Variants in FSTL4 observed in about 807,000 individuals in gnomAD.
The protein encoded by FSTL4 is follistatin like 4, also known as follistatin-related protein 4.
In FSTL4, 28 loss-of-function variants were observed where a neutral mutation model predicts 78.2. The ratio of observed to expected loss-of-function variants is 0.36; its 90% CI spans 0.27 to 0.49. The LOEUF is 0.49. Among genes scored for constraint, FSTL4 ranks in the 20% least tolerant of loss-of-function variants. The pLI, the probability that FSTL4 is intolerant of heterozygous loss-of-function variation, is 0.98. For synonymous variants in FSTL4, 422 were observed against 440.5 expected, an observed-to-expected ratio of 0.96 and a Z score of 0.53; for missense variants, 922 against 1,084.9, an observed-to-expected ratio of 0.85 and a Z score of 2.11.
At chr5:133,420,369 T>C (rs1391770071) in intron 3 of FSTL4, among the ~76,000 whole-genome samples, 1 of 152,260 alleles carries the variant, frequency 6.6e-6, no homozygotes, top group African/African-American at 2.4e-5. Context: ...TTTAATTGTA[T>C]GTAAATTATA....
At chr5:133,809,462 C>T in the FSTL4 span, among the ~76,000 whole-genome samples, 2 of 151,158 alleles carry the variant, frequency 1.3e-5, no homozygotes, top group African/African-American at 4.9e-5. Flanking sequence ...TTGCTACCCC[C>T]AAAGCTCTCA....
chr5:133,283,923 G>A (rs1753068243), intron 6 of FSTL4, among the ~76,000 whole-genome samples: 1 of 152,162 alleles, frequency 6.6e-6, no homozygotes, highest in Non-Finnish European at 1.5e-5. Context: ...ATATGGCAGA[G>A]CAGGAGAGAA....
chr5:133,336,324 C>T (rs1044570652), intron 4 of FSTL4, among the ~76,000 whole-genome samples: 5 of 152,242 alleles, frequency 3.3e-5, no homozygotes, highest in Non-Finnish European at 7.4e-5. Flanking sequence ...CCTTCCACTA[C>T]GCTGAGGTGT....
the FSTL4 span, among the ~76,000 whole-genome samples, chr5:133,699,830 G>A: frequency 1.5e-5 from 2 of 134,830 alleles, no homozygotes; most frequent in East Asian, 4.6e-4. Flanking sequence ...CCAGTGAGCC[G>A]AGATAGCGCC....
the FSTL4 span, among the ~76,000 whole-genome samples, chr5:133,813,092 A>G: frequency 2.0e-5 from 3 of 152,214 alleles, no homozygotes; most frequent in Non-Finnish European, 4.4e-5. Flanking sequence ...TCTCAACCAC[A>G]TGCCCACACT....
chr5:133,654,034 C>G, the FSTL4 span, among the ~76,000 whole-genome samples: 1 of 152,216 alleles, frequency 6.6e-6, no homozygotes, highest in Non-Finnish European at 1.5e-5. Context: ...AGGAAGAAAA[C>G]TCTAGGGGCC....
chr5:133,466,246 A>G (rs532336728), intron 3 of FSTL4, among the ~76,000 whole-genome samples: 4 of 152,198 alleles, frequency 2.6e-5, no homozygotes. Flanking sequence ...ATTCCTTGGG[A>G]CAAGAACACT....
chr5:133,608,575 T>C (rs1218445900), intron 1 of FSTL4, among the ~76,000 whole-genome samples: 1 of 152,078 alleles, frequency 6.6e-6, no homozygotes, highest in African/African-American at 2.4e-5. Context: ...ACATCTAGAG[T>C]GGGAGTTTGG....
intron 3 of FSTL4, among the ~76,000 whole-genome samples, chr5:133,529,123 T>C (rs1346966034): frequency 6.6e-6 from 1 of 152,200 alleles, no homozygotes; most frequent in Non-Finnish European, 1.5e-5. Context: ...CTTGACAATC[T>C]GAACACCTGC....
At chr5:133,424,264 AC>A (rs1756759692) in intron 3 of FSTL4, among the ~76,000 whole-genome samples, 1 of 152,164 alleles carries the variant, frequency 6.6e-6, no homozygotes, top group Admixed American at 6.5e-5. Flanking sequence ...AACCACCCAG[AC>A]CCGTGAACAG....
At chr5:133,560,525 G>C (rs918865112) in intron 3 of FSTL4, among the ~76,000 whole-genome samples, 12 of 152,088 alleles carry the variant, frequency 7.9e-5, no homozygotes, top group African/African-American at 2.9e-4. Context: ...CAACATGCTT[G>C]GCTAATTTTT....
intron 4 of FSTL4, among the ~76,000 whole-genome samples, chr5:133,327,009 G>A (rs1182365216): frequency 6.6e-6 from 1 of 152,186 alleles, no homozygotes; most frequent in African/African-American, 2.4e-5. Context: ...TGAGCCAAAT[G>A]CAGTCATTAG....
At chr5:133,735,548 C>T in the FSTL4 span, among the ~76,000 whole-genome samples, 3 of 152,204 alleles carry the variant, frequency 2.0e-5, no homozygotes, top group East Asian at 1.9e-4. Context: ...AAAACACTTG[C>T]CTGTCCCCAA....
intron 3 of FSTL4, among the ~76,000 whole-genome samples, chr5:133,448,103 A>G (rs1327524188): frequency 6.6e-6 from 1 of 152,250 alleles, no homozygotes; most frequent in Non-Finnish European, 1.5e-5. Context: ...TGCTGAGAAC[A>G]CACTTTAAAT....
chr5:133,233,609 G>A, intron 7 of FSTL4, 72 bp from the exon 8 acceptor site: 2 of 1,568,568 alleles, frequency 1.3e-6, no homozygotes, highest in Non-Finnish European at 1.7e-6. Flanking sequence ...CTGTCTCCTG[G>A]TTTTCCAGAA....
chr5:133,757,806 C>T, the FSTL4 span, among the ~76,000 whole-genome samples: 1 of 152,126 alleles, frequency 6.6e-6, no homozygotes, highest in Admixed American at 6.5e-5. Flanking sequence ...ATGTTGAAGT[C>T]AAGAGGTGGT....
At chr5:133,580,501 A>G (rs142566679) in intron 2 of FSTL4, among the ~76,000 whole-genome samples, 1 of 152,346 alleles carries the variant, frequency 6.6e-6, no homozygotes, top group East Asian at 1.9e-4. Context: ...GCAACAAACA[A>G]ACACACAAAC....
chr5:133,738,770 A>G, the FSTL4 span, among the ~76,000 whole-genome samples: 4 of 151,984 alleles, frequency 2.6e-5, no homozygotes, highest in Non-Finnish European at 4.4e-5. Flanking sequence ...AGCCAGAAAG[A>G]CCCCAGAGTT....
chr5:133,688,709 T>C, the FSTL4 span, among the ~76,000 whole-genome samples: 1 of 152,300 alleles, frequency 6.6e-6, no homozygotes, highest in Admixed American at 6.5e-5. Context: ...TTTTCTAAAG[T>C]CAATGATTCT....
Sources: allele counts gnomAD v4.1 joint callset (sites outside exome capture counted in the v4.1 genomes callset), GRCh38; gene constraint gnomAD v4.1.1; transcripts MANE v1.5; gene names NCBI Gene and HGNC (gene_info 2026-07-23, HGNC 2026-07-21).